SEMA3A: variants seen among roughly 807,000 people sequenced by gnomAD.
SEMA3A encodes semaphorin 3A, also known as semaphorin-3A.
A neutral mutation model predicts 97.9 loss-of-function variants in SEMA3A; 29 were observed. The ratio of observed to expected loss-of-function variants is 0.30; its 90% CI spans 0.22 to 0.40. The LOEUF (loss-of-function observed/expected upper bound fraction) is 0.40, where lower values mean the gene tolerates loss of function less well. Ranked by LOEUF, SEMA3A falls within the 10% of genes least tolerant of loss-of-function variation. The pLI, the probability that SEMA3A is intolerant of heterozygous loss-of-function variation, is 1.00. For synonymous variants in SEMA3A, 321 were observed against 323.7 expected, an observed-to-expected ratio of 0.99 and a Z score of 0.09; for missense variants, 763 against 951.3, an observed-to-expected ratio of 0.80 and a Z score of 2.60.
At chr7:84,095,404 T>C (rs62477298) in intron 4 of SEMA3A, among the ~76,000 whole-genome samples, 58,906 of 139,770 alleles carry the variant, frequency 0.42, 14,313 homozygotes, top group Admixed American at 0.53. Context: ...TTGAAAACAT[T>C]TGTAGGAAAC....
intron 1 of SEMA3A, among the ~76,000 whole-genome samples, chr7:84,159,296 G>T (rs1796951861): frequency 6.6e-6 from 1 of 152,054 alleles, no homozygotes; most frequent in East Asian, 1.9e-4. Flanking sequence ...CAATTATGGT[G>T]ATACTAAAAG....
chr7:84,366,369 A>T (rs1802847263), intron 2 of SEMA3A, among the ~76,000 whole-genome samples: 1 of 151,474 alleles, frequency 6.6e-6, no homozygotes, highest in African/African-American at 2.4e-5. Flanking sequence ...TAATGGAGAA[A>T]CTTAAGCATC....
chr7:84,012,013 TTA>T (rs112244033), intron 7 of SEMA3A, among the ~76,000 whole-genome samples: 10,469 of 152,140 alleles, frequency 0.069, 532 homozygotes, highest in African/African-American at 0.14. Flanking sequence ...GTGACCTCAC[TTA>T]TATGTGGAAT....
At chr7:84,113,750 C>A (rs1008706137) in intron 3 of SEMA3A, among the ~76,000 whole-genome samples, 2 of 152,082 alleles carry the variant, frequency 1.3e-5, no homozygotes, top group African/African-American at 4.8e-5. Flanking sequence ...ATATTGACCT[C>A]TTATTTTACT....
intron 1 of SEMA3A, among the ~76,000 whole-genome samples, chr7:84,139,115 G>T (rs985297918): frequency 6.6e-6 from 1 of 152,028 alleles, no homozygotes; most frequent in Non-Finnish European, 1.5e-5. Flanking sequence ...AAACTGCTAT[G>T]GGAACTATAG....
intron 2 of SEMA3A, among the ~76,000 whole-genome samples, chr7:84,367,623 C>G (rs1802879967): frequency 6.7e-6 from 1 of 150,006 alleles, no homozygotes; most frequent in Non-Finnish European, 1.5e-5. Context: ...TTAACAAGAG[C>G]CTAAGATTTT....
chr7:84,478,149 C>G (rs569791094), intron 1 of SEMA3A, among the ~76,000 whole-genome samples: 52 of 152,292 alleles, frequency 3.4e-4, no homozygotes, highest in African/African-American at 1.2e-3. Context: ...CTCACACCTT[C>G]TAGTGTCAGT....
At chr7:84,421,941 G>T (rs189944374) in intron 1 of SEMA3A, among the ~76,000 whole-genome samples, 1 of 152,138 alleles carries the variant, frequency 6.6e-6, no homozygotes, top group East Asian at 1.9e-4. Context: ...GAGGATTTTT[G>T]CATCAATGTT....
chr7:84,379,739 G>A (rs113272897), intron 1 of SEMA3A, among the ~76,000 whole-genome samples: 2,835 of 152,138 alleles, frequency 0.019, 85 homozygotes, highest in African/African-American at 0.065. Context: ...TTTGTTCATC[G>A]AAATTAATAT....
At chr7:84,122,092 G>A (rs1342342421) in intron 3 of SEMA3A, among the ~76,000 whole-genome samples, 4 of 151,512 alleles carry the variant, frequency 2.6e-5, no homozygotes, top group Admixed American at 6.6e-5. Context: ...TTGAGGAATC[G>A]CCACACTGAC....
intron 3 of SEMA3A, among the ~76,000 whole-genome samples, chr7:84,298,171 T>C (rs779957752): frequency 5.3e-5 from 8 of 152,126 alleles, no homozygotes. Context: ...CTCAGGAAAT[T>C]ATTTCTTCTG....
intron 1 of SEMA3A, among the ~76,000 whole-genome samples, chr7:84,374,611 G>A (rs1440247057): frequency 6.6e-6 from 1 of 152,166 alleles, no homozygotes; most frequent in Non-Finnish European, 1.5e-5. Context: ...CTAAAATAAT[G>A]ATCTAAAATT....
chr7:84,205,854 G>A (rs11976214), intron 3 of SEMA3A, among the ~76,000 whole-genome samples: 9,569 of 152,214 alleles, frequency 0.063, 352 homozygotes, highest in African/African-American at 0.092. Context: ...CAATAAATGT[G>A]GAAAGCCACT....
At chr7:84,414,134 A>T (rs1194280684) in intron 1 of SEMA3A, among the ~76,000 whole-genome samples, 4 of 152,114 alleles carry the variant, frequency 2.6e-5, no homozygotes, top group African/African-American at 9.7e-5. Context: ...TAAAAAGTAA[A>T]TTATATATTT....
chr7:84,460,843 C>G (rs961152247), intron 1 of SEMA3A, among the ~76,000 whole-genome samples: 1 of 152,126 alleles, frequency 6.6e-6, no homozygotes, highest in African/African-American at 2.4e-5. Context: ...TTCCTGGGTT[C>G]AGGTGTTATT....
At chr7:84,197,945 G>A (rs902179300), upstream of SEMA3A, among the ~76,000 whole-genome samples, 1 of 151,676 alleles carries the variant, frequency 6.6e-6, no homozygotes, top group Admixed American at 6.6e-5. Context: ...TCACCGTGTT[G>A]CCCAGGCTGT....
At chr7:84,428,981 A>T (rs868415702) in intron 1 of SEMA3A, among the ~76,000 whole-genome samples, 2 of 152,052 alleles carry the variant, frequency 1.3e-5, no homozygotes, top group Admixed American at 6.6e-5. Context: ...AGGAGGCTCA[A>T]AGCAAGAAAG....
At chr7:84,193,761 T>C (rs563568248) in intron 1 of SEMA3A, among the ~76,000 whole-genome samples, 1 of 152,262 alleles carries the variant, frequency 6.6e-6, no homozygotes, top group South Asian at 2.1e-4. Flanking sequence ...CTCTCTTTAA[T>C]TTATACTTTT....
intron 1 of SEMA3A, among the ~76,000 whole-genome samples, chr7:84,463,883 T>C (rs565268085): frequency 6.6e-6 from 1 of 152,174 alleles, no homozygotes; most frequent in Non-Finnish European, 1.5e-5. Flanking sequence ...TTTTCCTCTA[T>C]ATATTTTGTA....
Sources: gnomAD v4.1 joint callset for allele counts (sites outside exome capture counted in the v4.1 genomes callset) on GRCh38, gnomAD v4.1.1 for gene constraint, MANE v1.5 for transcripts, NCBI Gene and HGNC (gene_info 2026-07-23, HGNC 2026-07-21) for gene names.